Variants in ANK3 observed in about 807,000 individuals in gnomAD.
ANK3 encodes the protein ankyrin 3.
ANK3 carries 57 observed loss-of-function variants against 370.9 expected under a neutral mutation model. The ratio of observed to expected loss-of-function variants is 0.15; its 90% CI spans 0.12 to 0.19. The LOEUF is 0.19. ANK3 is among the 10% of genes least tolerant of loss of function. ANK3 has a pLI of 1.00. For synonymous variants in ANK3, 1,929 were observed against 1,946.3 expected (o/e 0.99, Z 0.23); for missense variants, 4,439 against 5,302.1 (o/e 0.84, Z 5.06).
At chr10:60,146,782 G>C (rs1175116715) in intron 23 of ANK3, among the ~76,000 whole-genome samples, 1 of 152,144 alleles carries the variant, frequency 6.6e-6, no homozygotes, top group Non-Finnish European at 1.5e-5. Context: ...GCCCGGCAAA[G>C]ATTTATATCT....
intron 1 of ANK3, among the ~76,000 whole-genome samples, chr10:60,307,380 C>G (rs1001446025): frequency 2.0e-5 from 3 of 152,042 alleles, no homozygotes; most frequent in Non-Finnish European, 2.9e-5. Context: ...TCACCCAGGC[C>G]AGAGCGCAAT....
At chr10:60,328,746 T>C (rs574966557) in intron 1 of ANK3, among the ~76,000 whole-genome samples, 56 of 152,044 alleles carry the variant, frequency 3.7e-4, no homozygotes, top group African/African-American at 1.1e-3. Context: ...TTCCAAACAA[T>C]AGAAAAAGAG....
chr10:60,673,760 T>C (rs2133383744), intron 1 of ANK3, among the ~76,000 whole-genome samples: 1 of 152,342 alleles, frequency 6.6e-6, no homozygotes, highest in East Asian at 1.9e-4. Flanking sequence ...GCTGCTCTAT[T>C]GGATCTCCTT....
chr10:60,364,569 G>C (rs1231185885), intron 1 of ANK3, among the ~76,000 whole-genome samples: 1 of 152,058 alleles, frequency 6.6e-6, no homozygotes, highest in Non-Finnish European at 1.5e-5. Flanking sequence ...GGGTGGGATA[G>C]CATTAGGAGA....
At chr10:60,425,046 G>A (rs1188478242) in intron 2 of ANK3, among the ~76,000 whole-genome samples, 1 of 152,036 alleles carries the variant, frequency 6.6e-6, no homozygotes, top group African/African-American at 2.4e-5. Flanking sequence ...ATATGAAAAG[G>A]TGACACTATG....
intron 35 of ANK3, among the ~76,000 whole-genome samples, chr10:60,080,854 C>T (rs2085038335): frequency 6.6e-6 from 1 of 152,134 alleles, no homozygotes; most frequent in Admixed American, 6.5e-5. Flanking sequence ...AAAAGACAAG[C>T]ATTACAGAGA....
chr10:60,661,980 C>T (rs1311365628), intron 1 of ANK3, among the ~76,000 whole-genome samples: 2 of 152,126 alleles, frequency 1.3e-5, no homozygotes, highest in African/African-American at 4.8e-5. Context: ...AGCTGCTATA[C>T]TACCAGGCTG....
intron 1 of ANK3, among the ~76,000 whole-genome samples, chr10:60,653,810 G>A (rs1347339125): frequency 6.6e-6 from 1 of 152,218 alleles, no homozygotes; most frequent in Non-Finnish European, 1.5e-5. Context: ...TGAGGCTGCA[G>A]TGAGCCAAGA....
chr10:60,719,332 A>C (rs1022862619), intron 1 of ANK3, among the ~76,000 whole-genome samples: 9 of 152,126 alleles, frequency 5.9e-5, no homozygotes, highest in Non-Finnish European at 1.2e-4. Flanking sequence ...ATATCCTTAC[A>C]TATTAATATT....
chr10:60,316,244 C>A (rs74807157), intron 1 of ANK3, among the ~76,000 whole-genome samples: 3,984 of 152,234 alleles, frequency 0.026, 74 homozygotes, highest in Non-Finnish European at 0.043. Context: ...AAAAACTGTT[C>A]AAGTAAGCAG....
chr10:60,689,866 CA>C (rs1187386955), intron 1 of ANK3, among the ~76,000 whole-genome samples: 1 of 151,308 alleles, frequency 6.6e-6, no homozygotes, highest in Non-Finnish European at 1.5e-5. Context: ...ATAAAGAGTA[CA>C]AAATTGTATG....
At chr10:60,503,931 C>A (rs1679197851) in intron 2 of ANK3, among the ~76,000 whole-genome samples, 1 of 152,100 alleles carries the variant, frequency 6.6e-6, no homozygotes, top group South Asian at 2.1e-4. Context: ...ACCTTGATTT[C>A]TCTTTAATAA....
At chr10:60,391,589 C>G (rs1347992163), upstream of ANK3, among the ~76,000 whole-genome samples, 4 of 152,190 alleles carry the variant, frequency 2.6e-5, no homozygotes, top group Non-Finnish European at 5.9e-5. Context: ...GAACAGCCAG[C>G]TAAAAAGCTG....
intron 2 of ANK3, among the ~76,000 whole-genome samples, chr10:60,547,467 C>T (rs1265981150): frequency 1.3e-5 from 2 of 152,046 alleles, no homozygotes; most frequent in African/African-American, 4.8e-5. Context: ...GCGATCTCGG[C>T]TCACTGCAAC....
At chr10:60,634,515 A>G (rs1038705177) in intron 1 of ANK3, among the ~76,000 whole-genome samples, 2 of 152,122 alleles carry the variant, frequency 1.3e-5, no homozygotes, top group Non-Finnish European at 2.9e-5. Context: ...AAACGGAACA[A>G]TTGGCACTCT....
chr10:60,102,950 GAC>G (rs1290646120), intron 28 of ANK3, among the ~76,000 whole-genome samples: 1 of 151,864 alleles, frequency 6.6e-6, no homozygotes, highest in Non-Finnish European at 1.5e-5. Flanking sequence ...ATAATGGTAA[GAC>G]AATTTATTTT....
intron 1 of ANK3, among the ~76,000 whole-genome samples, chr10:60,719,053 C>T (rs770302572): frequency 1.4e-4 from 22 of 152,112 alleles, no homozygotes; most frequent in Non-Finnish European, 2.6e-4. Context: ...AATCCTTGAA[C>T]GGCCTCAATT....
intron 1 of ANK3, among the ~76,000 whole-genome samples, chr10:60,701,726 T>C (rs562907499): frequency 1.3e-5 from 2 of 152,296 alleles, no homozygotes; most frequent in East Asian, 3.9e-4. Context: ...CCTTCCAACA[T>C]ATCTTTGTAC....
chr10:60,176,755 G>A (rs895478625), intron 18 of ANK3, among the ~76,000 whole-genome samples: 33 of 151,382 alleles, frequency 2.2e-4, no homozygotes, highest in Non-Finnish European at 1.3e-4. Context: ...GCGAAACTTC[G>A]TCTCAAAAAA....
Sources: gnomAD v4.1 joint callset for allele counts (sites outside exome capture counted in the v4.1 genomes callset) on GRCh38, gnomAD v4.1.1 for gene constraint, MANE v1.5 for transcripts, NCBI Gene and HGNC (gene_info 2026-07-23, HGNC 2026-07-21) for gene names.